The following TENM2 variants were observed in gnomAD, a reference collection of about 807,000 sequenced individuals.
TENM2 encodes the protein teneurin transmembrane protein 2.
A neutral mutation model predicts 245.2 loss-of-function variants in TENM2; 52 were observed. The observed-to-expected ratio is 0.21, with a 90% CI of 0.17 to 0.27. The LOEUF (loss-of-function observed/expected upper bound fraction) is 0.27. Among genes scored for constraint, TENM2 ranks in the 10% least tolerant of loss-of-function variants. The pLI, the probability that TENM2 is intolerant of heterozygous loss-of-function variation, is 1.00. For missense variants in TENM2, 3,046 were observed against 3,666.8 expected (o/e 0.83, Z 4.37); for synonymous variants, 1,363 against 1,438.9 (o/e 0.95, Z 1.19).
At chr5:168,093,422 A>G (rs1793107154) in intron 8 of TENM2, among the ~76,000 whole-genome samples, 1 of 152,230 alleles carries the variant, frequency 6.6e-6, no homozygotes, top group South Asian at 2.1e-4. Flanking sequence ...TGCAGGGAAA[A>G]GAACAGTGTT....
the TENM2 span, among the ~76,000 whole-genome samples, chr5:167,157,708 A>T: frequency 3.2e-4 from 49 of 152,234 alleles, no homozygotes; most frequent in African/African-American, 1.2e-3. Context: ...AGAAATTAAA[A>T]TAAAGGATTA....
chr5:167,083,481 G>A, the TENM2 span, among the ~76,000 whole-genome samples: 1 of 152,142 alleles, frequency 6.6e-6, no homozygotes. Flanking sequence ...TTAGATTTAT[G>A]TGATTACATC....
At chr5:167,446,858 G>GT (rs1473419193) in intron 2 of TENM2, among the ~76,000 whole-genome samples, 1 of 151,378 alleles carries the variant, frequency 6.6e-6, no homozygotes, top group East Asian at 1.9e-4. Context: ...CTAGGTATTA[G>GT]TTATGGGTTG....
chr5:167,601,527 C>A (rs1182496701), intron 2 of TENM2, among the ~76,000 whole-genome samples: 1 of 152,198 alleles, frequency 6.6e-6, no homozygotes, highest in Non-Finnish European at 1.5e-5. Flanking sequence ...TTAACATTTA[C>A]TCCGTGAGCT....
the TENM2 span, among the ~76,000 whole-genome samples, chr5:166,999,097 C>G: frequency 6.6e-6 from 1 of 151,334 alleles, no homozygotes; most frequent in Non-Finnish European, 1.5e-5. Flanking sequence ...TTAAAAAACC[C>G]TGTTTATTCT....
At chr5:167,743,097 C>T (rs1331207477) in intron 2 of TENM2, among the ~76,000 whole-genome samples, 1 of 152,182 alleles carries the variant, frequency 6.6e-6, no homozygotes, top group Non-Finnish European at 1.5e-5. Flanking sequence ...ACAACATACA[C>T]ACCTACACAT....
intron 1 of TENM2, among the ~76,000 whole-genome samples, chr5:167,321,481 C>G (rs1756717902): frequency 6.6e-6 from 1 of 152,136 alleles, no homozygotes; most frequent in African/African-American, 2.4e-5. Flanking sequence ...GAGAATTTAT[C>G]ACCAGCTTCA....
chr5:167,244,880 C>G, the TENM2 span, among the ~76,000 whole-genome samples: 1 of 151,722 alleles, frequency 6.6e-6, no homozygotes, highest in Non-Finnish European at 1.5e-5. Context: ...GTGGTATTTT[C>G]AAGGAGTTTT....
At chr5:168,251,720 G>A (rs945712474) in intron 27 of TENM2, among the ~76,000 whole-genome samples, 2 of 152,212 alleles carry the variant, frequency 1.3e-5, no homozygotes, top group African/African-American at 2.4e-5. Flanking sequence ...AGATGTAGTC[G>A]GGAGGAACAC....
At chr5:167,994,772 C>G (rs1562027851) in intron 5 of TENM2, among the ~76,000 whole-genome samples, 1 of 152,148 alleles carries the variant, frequency 6.6e-6, no homozygotes, top group East Asian at 1.9e-4. Flanking sequence ...GAGACCCAAG[C>G]ACCCCTAATT....
At chr5:167,201,331 T>TA in the TENM2 span, among the ~76,000 whole-genome samples, 16 of 152,174 alleles carry the variant, frequency 1.1e-4, no homozygotes, top group African/African-American at 3.9e-4. Context: ...TTTAAAGAAG[T>TA]AATGCTAGGT....
At chr5:168,096,368 G>A (rs1210735866) in intron 8 of TENM2, among the ~76,000 whole-genome samples, 1 of 152,162 alleles carries the variant, frequency 6.6e-6, no homozygotes. Context: ...TAGCCACCTG[G>A]ATGCTTCTCA....
chr5:167,364,389 A>T (rs1366288670), intron 1 of TENM2, among the ~76,000 whole-genome samples: 1 of 152,142 alleles, frequency 6.6e-6, no homozygotes, highest in Non-Finnish European at 1.5e-5. Flanking sequence ...GCAAAGAAAT[A>T]CAGAGGGAGG....
At chr5:168,248,080 A>G (rs1766755395) in exon 27 of TENM2, 1 of 1,613,992 alleles carries the variant, frequency 6.2e-7, no homozygotes, top group Non-Finnish European at 8.5e-7. Context: ...TGTGTTCAGC[A>G]TCAACGGCCT....
chr5:167,204,147 A>C, the TENM2 span, among the ~76,000 whole-genome samples: 7,360 of 138,792 alleles, frequency 0.053, 252 homozygotes, highest in Non-Finnish European at 0.08. Flanking sequence ...AGATTATTAC[A>C]AGGCCTTAGA....
At chr5:168,183,373 G>A (rs77387415) in intron 13 of TENM2, among the ~76,000 whole-genome samples, 23,029 of 151,098 alleles carry the variant, frequency 0.15, 2,172 homozygotes, top group South Asian at 0.23. Context: ...TATAGCCAGG[G>A]GCCCAGCACA....
At chr5:167,123,823 G>T in the TENM2 span, among the ~76,000 whole-genome samples, 1 of 152,094 alleles carries the variant, frequency 6.6e-6, no homozygotes, top group Non-Finnish European at 1.5e-5. Flanking sequence ...TACAGAAAAA[G>T]AAACAAGAAA....
intron 2 of TENM2, among the ~76,000 whole-genome samples, chr5:167,512,112 A>G (rs1302958523): frequency 6.6e-6 from 1 of 152,206 alleles, no homozygotes; most frequent in Non-Finnish European, 1.5e-5. Flanking sequence ...TTGAATATCA[A>G]TAAGATTTGA....
At chr5:167,677,737 T>C (rs918087321) in intron 2 of TENM2, among the ~76,000 whole-genome samples, 1 of 148,884 alleles carries the variant, frequency 6.7e-6, no homozygotes, top group African/African-American at 2.4e-5. Flanking sequence ...GTTTATATAC[T>C]TATTATATAT....
Sources: allele counts gnomAD v4.1 joint callset (sites outside exome capture counted in the v4.1 genomes callset), GRCh38; gene constraint gnomAD v4.1.1; transcripts MANE v1.5; gene names NCBI Gene and HGNC (gene_info 2026-07-23, HGNC 2026-07-21).